Variants in CEP112 observed in about 807,000 individuals in gnomAD.
The protein encoded by CEP112 is centrosomal protein 112.
CEP112 carries 127 observed loss-of-function variants against 153.0 expected under a neutral mutation model. The ratio of observed to expected loss-of-function variants is 0.83; its 90% CI spans 0.72 to 0.96. The LOEUF (loss-of-function observed/expected upper bound fraction) is 0.96. CEP112 is among the 40% of genes least tolerant of loss of function. The probability of loss-of-function intolerance (pLI) is 0.00; values close to 1 mark genes in which losing one functional copy is unlikely to be tolerated. For missense variants in CEP112, 1,089 were observed against 1,101.2 expected, an observed-to-expected ratio of 0.99 and a Z score of 0.16; for synonymous variants, 358 against 374.4, an observed-to-expected ratio of 0.96 and a Z score of 0.51.
At chr17:65,819,709 A>C (rs550134756) in intron 21 of CEP112, among the ~76,000 whole-genome samples, 1 of 152,178 alleles carries the variant, frequency 6.6e-6, no homozygotes, top group Non-Finnish European at 1.5e-5. Flanking sequence ...CCAGAAATGC[A>C]TAACCTCAAT....
intron 21 of CEP112, among the ~76,000 whole-genome samples, chr17:65,764,007 T>C (rs908912987): frequency 6.6e-6 from 1 of 152,110 alleles, no homozygotes; most frequent in Non-Finnish European, 1.5e-5. Flanking sequence ...AGTCTTTTAG[T>C]AAGCCTGTGC....
chr17:66,151,786 T>TC, intron 4 of CEP112, among the ~76,000 whole-genome samples: 2 of 152,056 alleles, frequency 1.3e-5, no homozygotes, highest in Non-Finnish European at 2.9e-5. Context: ...AAGTGGATTC[T>TC]CCCCCAATCT....
intron 23 of CEP112, among the ~76,000 whole-genome samples, chr17:65,694,842 A>G (rs1345634707): frequency 1.3e-5 from 2 of 152,216 alleles, no homozygotes; most frequent in Admixed American, 6.5e-5. Context: ...TTTCACACAC[A>G]CACAAAATCA....
intron 5 of CEP112, 90 bp downstream of exon 5, chr17:66,132,580 C>T: frequency 2.3e-6 from 2 of 875,932 alleles, no homozygotes; most frequent in Non-Finnish European, 3.8e-6. Context: ...TTGAAGCAAT[C>T]ATTGGTACTT....
intron 17 of CEP112, among the ~76,000 whole-genome samples, chr17:65,989,412 A>C (rs1158331493): frequency 6.6e-6 from 1 of 152,000 alleles, no homozygotes; most frequent in Non-Finnish European, 1.5e-5. Context: ...TCATTTGGCA[A>C]CAGACCTCTC....
At chr17:65,880,100 A>G (rs1013908100) in intron 20 of CEP112, among the ~76,000 whole-genome samples, 36 of 152,280 alleles carry the variant, frequency 2.4e-4, no homozygotes, top group African/African-American at 8.7e-4. Context: ...TGTAAACGGT[A>G]TTTTTTAAAA....
intron 23 of CEP112, among the ~76,000 whole-genome samples, chr17:65,700,475 G>C (rs73336859): frequency 0.015 from 2,253 of 152,200 alleles, 58 homozygotes; most frequent in African/African-American, 0.051. Context: ...GGTTTCCCAG[G>C]AGGAGAGGAG....
intron 23 of CEP112, among the ~76,000 whole-genome samples, chr17:65,725,564 G>A (rs1051058146): frequency 3.2e-4 from 49 of 152,276 alleles, no homozygotes; most frequent in Middle Eastern, 3.4e-3. Flanking sequence ...TGATCCAGTC[G>A]CCTGGGCCTC....
intron 21 of CEP112, among the ~76,000 whole-genome samples, chr17:65,825,069 G>A (rs944432620): frequency 3.3e-5 from 5 of 152,204 alleles, no homozygotes; most frequent in Non-Finnish European, 7.3e-5. Flanking sequence ...AAAGGTGGAA[G>A]CAATCCAACT....
intron 20 of CEP112, among the ~76,000 whole-genome samples, chr17:65,858,476 C>G (rs963932167): frequency 6.6e-6 from 1 of 152,090 alleles, no homozygotes; most frequent in South Asian, 2.1e-4. Context: ...CAATTATTGG[C>G]ATAATGCTTT....
intron 21 of CEP112, among the ~76,000 whole-genome samples, chr17:65,800,686 C>T (rs1287963424): frequency 1.3e-5 from 2 of 152,162 alleles, no homozygotes; most frequent in East Asian, 1.9e-4. Flanking sequence ...AACCATCAAA[C>T]TGTTTTCTAA....
At chr17:66,112,380 T>C (rs2069095829) in intron 6 of CEP112, among the ~76,000 whole-genome samples, 1 of 152,072 alleles carries the variant, frequency 6.6e-6, no homozygotes, top group African/African-American at 2.4e-5. Context: ...CACATTTCAC[T>C]GATGAGGAAT....
intron 24 of CEP112, among the ~76,000 whole-genome samples, chr17:65,662,888 G>T (rs1290829330): frequency 6.6e-6 from 1 of 152,108 alleles, no homozygotes; most frequent in Admixed American, 6.5e-5. Flanking sequence ...GTTCCAGAGG[G>T]TGTGTTTTTG....
chr17:65,762,560 T>C (rs1034746545), intron 21 of CEP112, among the ~76,000 whole-genome samples: 3 of 151,990 alleles, frequency 2.0e-5, no homozygotes, highest in Admixed American at 2.0e-4. Flanking sequence ...TAATTGAGCA[T>C]ATTCCATTTT....
chr17:65,810,711 T>C (rs1163353783), intron 21 of CEP112, among the ~76,000 whole-genome samples: 1 of 152,168 alleles, frequency 6.6e-6, no homozygotes, highest in East Asian at 1.9e-4. Context: ...TTCATATTTT[T>C]ATATTTTTGA....
chr17:66,180,551 G>A (rs1021590353), intron 2 of CEP112, among the ~76,000 whole-genome samples: 1 of 152,080 alleles, frequency 6.6e-6, no homozygotes, highest in Non-Finnish European at 1.5e-5. Context: ...CCAGGGATTT[G>A]TAGCTGATTG....
At chr17:65,668,696 TC>T (rs1420182800) in intron 24 of CEP112, among the ~76,000 whole-genome samples, 1 of 152,204 alleles carries the variant, frequency 6.6e-6, no homozygotes, top group Admixed American at 6.5e-5. Context: ...AAGAAGTGTT[TC>T]CTTTCTTTTC....
chr17:66,124,141 C>T (rs965079726), intron 6 of CEP112, among the ~76,000 whole-genome samples: 1 of 152,126 alleles, frequency 6.6e-6, no homozygotes, highest in Admixed American at 6.5e-5. Context: ...TTCTCTAAGA[C>T]TTCTATGAGG....
Position 65,839,140 on chromosome 17 carries a change from C to G in CEP112, c.2394+12664G>C, listed in dbSNP as rs9915616. ...ATGAAGAGGAGAGAATACTTCCAAA[C>G]TTACTCTACAAGACCAGCATTAACC... On this transcript the variant is annotated intron_variant, in intron 21 of 26. Coordinates refer to ENST00000535342, the MANE Select transcript of CEP112 (RefSeq NM_001199165.4). 3.2e-3 allele frequency among the ~76,000 whole-genome samples: 486 copies of G among 152,164 alleles called. 3 individuals carry two copies. Among genetic ancestry groups the G allele is most frequent in the African/African-American group, 0.011 (462 of 41,542 alleles).
Sources: allele counts gnomAD v4.1 joint callset (sites outside exome capture counted in the v4.1 genomes callset), GRCh38; gene constraint gnomAD v4.1.1; transcripts MANE v1.5; gene names NCBI Gene and HGNC (gene_info 2026-07-23, HGNC 2026-07-21).